Variants in CTDSPL2 observed in about 807,000 individuals in gnomAD.
CTDSPL2 encodes CTD small phosphatase-like protein 2.
CTDSPL2 carries 5 observed loss-of-function variants against 60.0 expected under a neutral mutation model. That is an observed-to-expected ratio of 0.08 (90% CI 0.04 to 0.18). CTDSPL2 has a LOEUF of 0.18. CTDSPL2 is among the 10% of genes least tolerant of loss of function. The pLI is 1.00. For missense variants in CTDSPL2, 370 were observed against 548.8 expected, an observed-to-expected ratio of 0.67 and a Z score of 3.26; for synonymous variants, 186 against 189.3, an observed-to-expected ratio of 0.98 and a Z score of 0.14.
At chr15:44,462,782 C>G (rs2080601362) in intron 2 of CTDSPL2, among the ~76,000 whole-genome samples, 1 of 147,580 alleles carries the variant, frequency 6.8e-6, no homozygotes, top group East Asian at 2.0e-4. Context: ...TCTCAGCTCA[C>G]TGCAACCTCT....
In CTDSPL2 at chr15:44,525,623, TGAG is replaced by T. The variant is rs771841292; in HGVS notation, c.*1453_*1455del. Reference sequence around the variant, plus strand: ...AAATTAAAGGTGGACAACTGATAATTGAGGAGTATGTCAATTAATTTTTTATGT... The same window carrying T: ...AAATTAAAGGTGGACAACTGATAATTGAGTATGTCAATTAATTTTTTATGT... On this transcript the variant is annotated 3_prime_UTR_variant, in exon 13 of 13. Coordinates refer to ENST00000260327, the MANE Select transcript of CTDSPL2 (RefSeq NM_016396.3). 67 of 396,848 alleles carry T rather than the reference TGAG, an allele frequency of 1.7e-4. No individual in the cohort carries two copies. Among genetic ancestry groups the T allele is most frequent in the East Asian group, 3.6e-4 (10 of 28,012 alleles). The allele number at this position is 396,848 out of a possible 1,614,324, so 24.6% of individuals were successfully genotyped here.
chr15:44,456,602 A>G (rs2080446257), intron 1 of CTDSPL2, among the ~76,000 whole-genome samples: 2 of 151,916 alleles, frequency 1.3e-5, no homozygotes, highest in African/African-American at 2.4e-5. Flanking sequence ...CCCCTTTGTC[A>G]TTTTTTACTG....
Position 44,484,372 on chromosome 15 carries a change from TATTTAG to T in CTDSPL2, c.325+13_325+18del. 1 of 1,609,494 alleles carries T rather than the reference TATTTAG, an allele frequency of 6.2e-7. No individual in the cohort carries two copies. The highest frequency in any genetic ancestry group is 8.5e-7 in the Non-Finnish European group (1 of 1,176,478). Reference sequence around the variant, plus strand: ...AGTCAAGTAAATGGAGGTTTGTTAATATTTAGATACTGTTTTATTTAGGTGTAAGCA... The same window carrying T: ...AGTCAAGTAAATGGAGGTTTGTTAATATACTGTTTTATTTAGGTGTAAGCA... On this transcript the variant is annotated intron_variant, in intron 3 of 12. Transcript: ENST00000260327.
intron 8 of CTDSPL2, among the ~76,000 whole-genome samples, chr15:44,508,315 GCTCCAGTGATCCTTTCACCTCGGC>G (rs897000822): frequency 6.6e-6 from 1 of 151,830 alleles, no homozygotes; most frequent in African/African-American, 2.4e-5. Flanking sequence ...AAACTCCTGG[GCTCCAGTGATCCTTTCACCTCGGC>G]CTCCCAAAAT....
rs772786847 is a variant in CTDSPL2, at chr15:44,522,702, G to A, written c.1335+1296G>A. ...CGGGAGGCGGAGGTTGCAGTGAGCC[G>A]AGATTGCACCACTGCACTCCAGCCT... On this transcript the variant is annotated intron_variant, in intron 12 of 12. Coordinates refer to ENST00000260327, the MANE Select transcript of CTDSPL2 (RefSeq NM_016396.3). Among the ~76,000 whole-genome samples, 4 of 152,132 alleles carry A rather than the reference G, an allele frequency of 2.6e-5. No individual in the cohort carries two copies. The South Asian group carries it at 6.2e-4, about 24-fold the overall frequency.
In CTDSPL2 at chr15:44,462,475, A is replaced by T. The variant is rs74009183; in HGVS notation, c.186+3275A>T. On this transcript the variant is annotated intron_variant, in intron 2 of 12. Transcript: ENST00000260327. The stretch of plus-strand genomic sequence containing the variant: ...TCAGATCATCAGGCATCAGATTCTC[A>T]TAAGGAGCACACAGTGTAGATCCCT... Among the ~76,000 whole-genome samples, 1,229 of 152,168 alleles carry T rather than the reference A, an allele frequency of 8.1e-3. 16 individuals are homozygous for T. The highest frequency in any genetic ancestry group is 0.029 in the African/African-American group (1,188 of 41,504).
intron 8 of CTDSPL2, among the ~76,000 whole-genome samples, chr15:44,513,064 T>G (rs1431297663): frequency 7.1e-6 from 1 of 140,718 alleles, no homozygotes; most frequent in Non-Finnish European, 1.5e-5. Flanking sequence ...AGAGCAAGAC[T>G]CCTTCTCAAA....
At position 44,527,795 on chromosome 15, in the gene CTDSPL2, T is replaced by C. The variant is rs960511194; in HGVS notation, c.*3621T>C. On this transcript the variant is annotated 3_prime_UTR_variant, in exon 13 of 13. Transcript: ENST00000260327. ...GGGAAGAGTGGACTGGGAACAAAAATGTATGGGCCAAAAGGCCTTAGGGTT... is the reference window on the plus strand; with the variant it reads ...GGGAAGAGTGGACTGGGAACAAAAACGTATGGGCCAAAAGGCCTTAGGGTT... The C allele has an allele frequency of 1.3e-5, 2 of 152,122 alleles. No individual in the cohort carries two copies. The highest frequency in any genetic ancestry group is 2.9e-5 in the Non-Finnish European group (2 of 67,990). The allele number at this position is 152,122 out of a possible 1,614,324, so 9.4% of individuals were successfully genotyped here.
chr15:44,466,463 C>CCA (rs1387916211), intron 2 of CTDSPL2, among the ~76,000 whole-genome samples: 1 of 152,200 alleles, frequency 6.6e-6, no homozygotes. Flanking sequence ...CTTCCCACCA[C>CCA]CACACACACA....
In CTDSPL2 at chr15:44,505,721, G is replaced by A. The variant is rs1359297439; in HGVS notation, c.969+5908G>A. Among the ~76,000 whole-genome samples the A allele has an allele frequency of 1.8e-4, 26 of 147,392 alleles. No homozygotes were observed. The South Asian group carries it at 3.0e-3, about 17-fold the overall frequency. On this transcript the variant is annotated intron_variant, in intron 8 of 12. Transcript: ENST00000260327. The stretch of plus-strand genomic sequence containing the variant: ...TGCACTCTAGGCTGGGCAACAGAGC[G>A]AGACTCTGTCTCCCAAAAAAAAAAA...
chr15:44,499,721 T>G lies in CTDSPL2; in HGVS notation c.883-6T>G, dbSNP rs368681078. Reference sequence around the variant, plus strand: ...GTTTCATTCAATTTCTGTTTTTTATTTTAAGGATGAAACACTAGTGCATTG... The same window carrying G: ...GTTTCATTCAATTTCTGTTTTTTATGTTAAGGATGAAACACTAGTGCATTG... On this transcript the variant is annotated splice_polypyrimidine_tract_variant and splice_region_variant and intron_variant, in intron 7 of 12. Transcript: ENST00000260327. The G allele has an allele frequency of 2.4e-5, 37 of 1,538,518 alleles. No individual in the cohort carries two copies. The African/African-American group carries it at 4.0e-4, about 17-fold the overall frequency.
intron 2 of CTDSPL2, among the ~76,000 whole-genome samples, chr15:44,469,348 C>T (rs2080759582): frequency 1.3e-5 from 2 of 152,054 alleles, no homozygotes; most frequent in Non-Finnish European, 2.9e-5. Context: ...ACTTTCTTGC[C>T]CATATGAAAC....
chr15:44,448,870 A>G (rs2080275678), intron 1 of CTDSPL2: 1 of 408,706 alleles, frequency 2.4e-6, no homozygotes. Context: ...TCTATCACAC[A>G]GCAGTTGGCC....
intron 2 of CTDSPL2, among the ~76,000 whole-genome samples, chr15:44,466,551 A>T (rs915900749): frequency 6.6e-6 from 1 of 152,246 alleles, no homozygotes; most frequent in Non-Finnish European, 1.5e-5. Flanking sequence ...TCATGTGAAC[A>T]TCATAGTACT....
rs2081882733 is a variant in CTDSPL2 at position 44,526,822 on chromosome 15, AACTG to A, written c.*2652_*2655del. 1.3e-5 allele frequency: 2 copies of A among 152,446 alleles called. No homozygotes were observed. Among genetic ancestry groups the A allele is most frequent in the South Asian group, 2.1e-4 (1 of 4,824 alleles). 9.4% of individuals were successfully genotyped at this position (152,446 alleles called of 1,614,324 possible). On this transcript the variant is annotated 3_prime_UTR_variant, in exon 13 of 13. Coordinates refer to ENST00000260327, the MANE Select transcript of CTDSPL2 (RefSeq NM_016396.3). ...ACACAGGAAACATGAACTCTTAAAA[AACTG>A]ACTAGTAAATGCAGGAGAGGTGGAT...
rs2081506148 is a variant in CTDSPL2, at chr15:44,508,257, A to AT, written c.970-6334dup. 4.0e-5 allele frequency among the ~76,000 whole-genome samples: 6 copies of AT among 151,406 alleles called. No individual in the cohort carries two copies. The South Asian group carries it at 1.3e-3, about 32-fold the overall frequency. ...GCCACCACGCCTGGCTAATTTTTGT[A>AT]TTTTTTTGTAGAGACAGGGTTTCGC... On this transcript the variant is annotated intron_variant, in intron 8 of 12. Transcript: ENST00000260327.
chr15:44,463,475 T>C (rs574495597), intron 2 of CTDSPL2, among the ~76,000 whole-genome samples: 2 of 152,152 alleles, frequency 1.3e-5, no homozygotes, highest in Non-Finnish European at 2.9e-5. Flanking sequence ...TTGGGTAAGG[T>C]TTTTCATACA....
intron 1 of CTDSPL2, among the ~76,000 whole-genome samples, chr15:44,433,931 C>G (rs924799730): frequency 9.3e-5 from 13 of 140,320 alleles, no homozygotes; most frequent in Non-Finnish European, 1.7e-4. Context: ...CCAGCCTGGG[C>G]AACAGAGCAA....
intron 2 of CTDSPL2, among the ~76,000 whole-genome samples, chr15:44,466,125 C>T (rs573331549): frequency 4.6e-5 from 7 of 151,858 alleles, no homozygotes; most frequent in Non-Finnish European, 7.4e-5. Context: ...TTAGTAGAGA[C>T]GGGGTTTCAC....
Sources: gnomAD v4.1 joint callset for allele counts (sites outside exome capture counted in the v4.1 genomes callset) on GRCh38, gnomAD v4.1.1 for gene constraint, MANE v1.5 for transcripts, NCBI Gene and HGNC (gene_info 2026-07-23, HGNC 2026-07-21) for gene names.